The following MAGI2 variants were observed in gnomAD, a reference collection of about 807,000 sequenced individuals.
The protein encoded by MAGI2 is membrane associated guanylate kinase, WW and PDZ domain containing 2, also known as membrane-associated guanylate kinase, WW and PDZ domain-containing protein 2.
In MAGI2, 35 loss-of-function variants were observed where a neutral mutation model predicts 133.3. The observed-to-expected ratio is 0.26, with a 90% CI of 0.20 to 0.35. The LOEUF is 0.35. MAGI2 is among the 10% of genes least tolerant of loss of function. The probability of loss-of-function intolerance (pLI) is 1.00; values close to 1 mark genes in which losing one functional copy is unlikely to be tolerated. For missense variants in MAGI2, 1,636 were observed against 1,863.4 expected, an observed-to-expected ratio of 0.88 and a Z score of 2.25; for synonymous variants, 729 against 710.6, an observed-to-expected ratio of 1.03 and a Z score of -0.41.
At chr7:78,705,020 G>A (rs1176096425) in intron 2 of MAGI2, among the ~76,000 whole-genome samples, 1 of 152,056 alleles carries the variant, frequency 6.6e-6, no homozygotes, top group East Asian at 1.9e-4. Flanking sequence ...AGGGTGAGCG[G>A]AGGGTATATT....
intron 2 of MAGI2, among the ~76,000 whole-genome samples, chr7:78,657,615 T>A (rs184327560): frequency 2.1e-5 from 3 of 141,996 alleles, no homozygotes; most frequent in East Asian, 3.9e-4. Context: ...AGGCAAAAGT[T>A]TGGCGACTTT....
chr7:78,274,577 G>C (rs1794880213), intron 9 of MAGI2, among the ~76,000 whole-genome samples: 1 of 152,018 alleles, frequency 6.6e-6, no homozygotes, highest in Admixed American at 6.6e-5. Flanking sequence ...CAGGGAGATG[G>C]GGGTTTTATC....
chr7:78,591,363 G>A (rs535793451), intron 3 of MAGI2, among the ~76,000 whole-genome samples: 5 of 152,310 alleles, frequency 3.3e-5, no homozygotes, highest in African/African-American at 1.2e-4. Flanking sequence ...AAATACTGCA[G>A]GTGAAATTGA....
chr7:79,252,156 CAAAAAA>C (rs1208897198), intron 1 of MAGI2, among the ~76,000 whole-genome samples: 1 of 102,564 alleles, frequency 9.8e-6, no homozygotes, highest in African/African-American at 4.1e-5. Context: ...GACCCTGTCT[CAAAAAA>C]AAAAAAAAAA....
chr7:78,784,718 ATTC>A (rs1294295067), intron 2 of MAGI2, among the ~76,000 whole-genome samples: 2 of 152,208 alleles, frequency 1.3e-5, no homozygotes, highest in Non-Finnish European at 2.9e-5. Flanking sequence ...ATGGATGTCT[ATTC>A]TTCATGAAGA....
chr7:78,966,835 CT>C (rs34597215), intron 2 of MAGI2, among the ~76,000 whole-genome samples: 84,033 of 128,970 alleles, frequency 0.65, 26,687 homozygotes, highest in African/African-American at 0.75. Context: ...GCCTACACGT[CT>C]TTTTTTTTTT....
intron 1 of MAGI2, among the ~76,000 whole-genome samples, chr7:79,065,037 A>G (rs566580956): frequency 6.6e-6 from 1 of 152,164 alleles, no homozygotes; most frequent in East Asian, 1.9e-4. Flanking sequence ...ACACTAGATT[A>G]CCTTCCTATT....
intron 20 of MAGI2, among the ~76,000 whole-genome samples, chr7:78,105,219 T>A (rs1178530136): frequency 1.3e-5 from 2 of 152,248 alleles, no homozygotes; most frequent in African/African-American, 4.8e-5. Context: ...AATAGTTTCC[T>A]GTTATATAAA....
intron 2 of MAGI2, among the ~76,000 whole-genome samples, chr7:78,799,995 C>T (rs948215631): frequency 1.3e-5 from 2 of 152,130 alleles, no homozygotes; most frequent in African/African-American, 4.8e-5. Flanking sequence ...TTCCATTACA[C>T]AAAATGGATA....
At chr7:78,148,223 A>AT (rs755811194) in intron 16 of MAGI2, among the ~76,000 whole-genome samples, 3 of 152,304 alleles carry the variant, frequency 2.0e-5, no homozygotes, top group Admixed American at 6.5e-5. Context: ...AATGAAACAA[A>AT]TATTGACACA....
chr7:78,958,058 T>C (rs80110700), intron 2 of MAGI2, among the ~76,000 whole-genome samples: 3,974 of 152,294 alleles, frequency 0.026, 176 homozygotes, highest in African/African-American at 0.09. Context: ...AGTTGCTATG[T>C]TTACCTGGCA....
At chr7:78,030,822 C>T (rs1387634775) in intron 21 of MAGI2, among the ~76,000 whole-genome samples, 3 of 152,142 alleles carry the variant, frequency 2.0e-5, no homozygotes, top group Non-Finnish European at 4.4e-5. Context: ...ACAGTTTGGC[C>T]GATCCTTAAA....
At chr7:79,444,905 C>G (rs933697221) in intron 1 of MAGI2, among the ~76,000 whole-genome samples, 2 of 152,200 alleles carry the variant, frequency 1.3e-5, no homozygotes, top group Admixed American at 1.3e-4. Flanking sequence ...CGCTATCTGA[C>G]TTCAAACTAT....
intron 1 of MAGI2, among the ~76,000 whole-genome samples, chr7:79,047,026 T>C (rs1321242799): frequency 2.0e-5 from 3 of 152,168 alleles, no homozygotes; most frequent in Non-Finnish European, 4.4e-5. Flanking sequence ...TCATTTTGAA[T>C]GAATATATTT....
intron 10 of MAGI2, among the ~76,000 whole-genome samples, chr7:78,248,411 C>A (rs1437894164): frequency 1.3e-5 from 2 of 152,128 alleles, no homozygotes; most frequent in Non-Finnish European, 2.9e-5. Context: ...AGTAGTAAGT[C>A]CTTATCTATC....
chr7:79,364,896 C>T (rs1459389110), intron 1 of MAGI2, among the ~76,000 whole-genome samples: 1 of 140,420 alleles, frequency 7.1e-6, no homozygotes, highest in Non-Finnish European at 1.5e-5. Context: ...ATTAATTAGA[C>T]CTCATCAAAA....
chr7:78,495,359 G>T (rs538504425), intron 5 of MAGI2, among the ~76,000 whole-genome samples: 2 of 151,964 alleles, frequency 1.3e-5, no homozygotes, highest in Non-Finnish European at 2.9e-5. Flanking sequence ...GAGAACATGC[G>T]GTGTTTGGTT....
intron 1 of MAGI2, among the ~76,000 whole-genome samples, chr7:79,371,051 T>G (rs775015773): frequency 2.6e-5 from 4 of 152,088 alleles, no homozygotes; most frequent in African/African-American, 7.2e-5. Context: ...TTTTATCACA[T>G]TTCTACCAAT....
intron 2 of MAGI2, among the ~76,000 whole-genome samples, chr7:78,685,379 A>C (rs1261517550): frequency 6.6e-6 from 1 of 151,796 alleles, no homozygotes; most frequent in African/African-American, 2.4e-5. Flanking sequence ...CAAAATATCA[A>C]GTTAGGTTCA....
Sources: allele counts gnomAD v4.1 joint callset (sites outside exome capture counted in the v4.1 genomes callset), GRCh38; gene constraint gnomAD v4.1.1; transcripts MANE v1.5; gene names NCBI Gene and HGNC (gene_info 2026-07-23, HGNC 2026-07-21).